LRRC7: variants seen among roughly 807,000 people sequenced by gnomAD.
LRRC7 encodes leucine-rich repeat-containing protein 7.
A neutral mutation model predicts 175.7 loss-of-function variants in LRRC7; 23 were observed. That is an observed-to-expected ratio of 0.13 (90% CI 0.09 to 0.19). LRRC7 has a LOEUF of 0.19. Ranked by LOEUF, LRRC7 falls within the 10% of genes least tolerant of loss-of-function variation. LRRC7 has a pLI of 1.00. For missense variants in LRRC7, 1,354 were observed against 1,904.7 expected (o/e 0.71, Z 5.38); for synonymous variants, 685 against 680.9 (o/e 1.01, Z -0.09).
intron 2 of LRRC7, among the ~76,000 whole-genome samples, chr1:69,716,453 A>C (rs1665357231): frequency 6.6e-6 from 1 of 151,916 alleles, no homozygotes; most frequent in Non-Finnish European, 1.5e-5. Context: ...ACATGAATTT[A>C]AATACTGTAT....
intron 23 of LRRC7, among the ~76,000 whole-genome samples, chr1:70,063,123 T>C (rs945739130): frequency 6.6e-6 from 1 of 152,088 alleles, no homozygotes; most frequent in Admixed American, 6.6e-5. Context: ...TCATCCAGTC[T>C]CACTCTAAAT....
intron 3 of LRRC7, among the ~76,000 whole-genome samples, chr1:69,777,857 A>G (rs12729871): frequency 0.14 from 20,857 of 152,036 alleles, 1,818 homozygotes; most frequent in African/African-American, 0.24. Context: ...CCCCCATTCT[A>G]TTCCTCACAC....
At position 69,595,291 on chromosome 1, in the gene LRRC7, G is replaced by T. The variant is rs185287509; in HGVS notation, c.2+26650G>T. ...AAAAATTAGCCGGGCGTGGTGGCGGGCACCTGTAATCCCAGCTACTCGGGA... is the reference window on the plus strand; with the variant it reads ...AAAAATTAGCCGGGCGTGGTGGCGGTCACCTGTAATCCCAGCTACTCGGGA... On this transcript the variant is annotated intron_variant, in intron 1 of 26. Transcript: ENST00000651989. 3.3e-5 allele frequency among the ~76,000 whole-genome samples: 5 copies of T among 152,062 alleles called. No individual in the cohort carries two copies. In the South Asian group the frequency reaches 1.0e-3, roughly 32 times the overall value.
intron 1 of LRRC7, among the ~76,000 whole-genome samples, chr1:69,621,203 C>G (rs1478784318): frequency 2.6e-5 from 4 of 151,958 alleles, no homozygotes; most frequent in Non-Finnish European, 2.9e-5. Context: ...TGCCACCATG[C>G]CCGGCTAATT....
intron 8 of LRRC7, among the ~76,000 whole-genome samples, chr1:69,952,516 C>A (rs1447481339): frequency 6.6e-6 from 1 of 151,990 alleles, no homozygotes; most frequent in South Asian, 2.1e-4. Flanking sequence ...CTACAGAAAT[C>A]GGTCATTACT....
rs532003627 is a variant in LRRC7, at chr1:69,591,333, A to G, written c.2+22692A>G. ...TTTAGTTCAATTTGTTCATATCAGT[A>G]TCTAAAGTGTCTGAGAATTTTTTTG... On this transcript the variant is annotated intron_variant, in intron 1 of 26. Coordinates refer to ENST00000651989, the MANE Select transcript of LRRC7 (RefSeq NM_001370785.2). 3.9e-5 allele frequency among the ~76,000 whole-genome samples: 6 copies of G among 152,226 alleles called. No individual in the cohort carries two copies. The South Asian group carries it at 1.0e-3, about 26-fold the overall frequency.
intron 7 of LRRC7, among the ~76,000 whole-genome samples, chr1:69,923,674 T>G (rs1455877207): frequency 1.3e-5 from 2 of 152,204 alleles, no homozygotes; most frequent in Non-Finnish European, 2.9e-5. Flanking sequence ...GTAAATTTGT[T>G]TGAGTTCATT....
intron 6 of LRRC7, among the ~76,000 whole-genome samples, chr1:69,835,275 G>A (rs918310867): frequency 1.3e-5 from 2 of 151,404 alleles, no homozygotes; most frequent in East Asian, 3.9e-4. Context: ...GAAAATCAAA[G>A]ATTTAAGGTA....
In LRRC7 at chr1:69,673,549, T is replaced by C. The variant is rs560674725; in HGVS notation, c.3-4832T>C. On this transcript the variant is annotated intron_variant, in intron 1 of 26. Coordinates refer to ENST00000651989, the MANE Select transcript of LRRC7 (RefSeq NM_001370785.2). ...CTCCTTTGCAGTGACCTGGCTGTGC[T>C]CCAAGATTTCATTTTTGGTCATTTT... 1.7e-4 allele frequency among the ~76,000 whole-genome samples: 26 copies of C among 152,318 alleles called. No homozygotes were observed. The East Asian group carries it at 4.6e-3, about 27-fold the overall frequency.
intron 4 of LRRC7, among the ~76,000 whole-genome samples, chr1:69,815,945 A>G (rs1375637091): frequency 6.8e-6 from 1 of 146,950 alleles, no homozygotes; most frequent in East Asian, 2.0e-4. Flanking sequence ...AGCTCTCTAG[A>G]ACCTTTATTT....
chr1:69,989,945 C>A (rs2101903640), intron 10 of LRRC7, among the ~76,000 whole-genome samples: 1 of 152,158 alleles, frequency 6.6e-6, no homozygotes, highest in African/African-American at 2.4e-5. Flanking sequence ...TCATCAGTGA[C>A]AATATCTTCT....
At chr1:69,872,771 C>T (rs1056845384) in intron 7 of LRRC7, among the ~76,000 whole-genome samples, 16 of 152,016 alleles carry the variant, frequency 1.1e-4, no homozygotes, top group African/African-American at 3.4e-4. Flanking sequence ...CAACCCAAAA[C>T]ATTATTTCAG....
chr1:69,916,643 G>C (rs926464584), intron 7 of LRRC7, among the ~76,000 whole-genome samples: 1 of 151,994 alleles, frequency 6.6e-6, no homozygotes, highest in East Asian at 1.9e-4. Flanking sequence ...TAGAAATTGC[G>C]TGGTTTCTCT....
intron 3 of LRRC7, among the ~76,000 whole-genome samples, chr1:69,776,969 G>A (rs1049966473): frequency 6.6e-6 from 1 of 152,044 alleles, no homozygotes; most frequent in African/African-American, 2.4e-5. Flanking sequence ...AATTTCCCAT[G>A]GCCCTCAATG....
At chr1:70,068,568 T>C (rs373797156) in intron 23 of LRRC7, among the ~76,000 whole-genome samples, 5 of 152,304 alleles carry the variant, frequency 3.3e-5, no homozygotes, top group South Asian at 4.1e-4. Flanking sequence ...GGTTTTTTTC[T>C]TCCCTACTTC....
At chr1:69,610,843 C>T (rs7538620) in intron 1 of LRRC7, among the ~76,000 whole-genome samples, 8,058 of 151,874 alleles carry the variant, frequency 0.053, 252 homozygotes, top group Admixed American at 0.068. Flanking sequence ...CAATAATAAA[C>T]ATCTGCAGAC....
intron 2 of LRRC7, among the ~76,000 whole-genome samples, chr1:69,679,310 T>C (rs921930524): frequency 6.6e-6 from 1 of 152,112 alleles, no homozygotes; most frequent in South Asian, 2.1e-4. Context: ...ATAAAGCTAA[T>C]GTAGTGGGTT....
chr1:69,631,597 G>A (rs538630335), intron 1 of LRRC7, among the ~76,000 whole-genome samples: 8 of 151,980 alleles, frequency 5.3e-5, no homozygotes, highest in African/African-American at 1.4e-4. Context: ...TCCCCTCTCC[G>A]TAAAGCCCCA....
chr1:69,688,195 T>G (rs989306807), intron 2 of LRRC7, among the ~76,000 whole-genome samples: 1 of 152,196 alleles, frequency 6.6e-6, no homozygotes, highest in Non-Finnish European at 1.5e-5. Context: ...TTATGGTAAA[T>G]CAGCTAAAAG....
Sources: gnomAD v4.1 joint callset for allele counts (sites outside exome capture counted in the v4.1 genomes callset) on GRCh38, gnomAD v4.1.1 for gene constraint, MANE v1.5 for transcripts, NCBI Gene and HGNC (gene_info 2026-07-23, HGNC 2026-07-21) for gene names.